SPAG16: variants seen among roughly 807,000 people sequenced by gnomAD.
SPAG16 encodes sperm-associated antigen 16 protein.
In SPAG16, 86 loss-of-function variants were observed where a neutral mutation model predicts 80.4. That is an observed-to-expected ratio of 1.07 (90% CI 0.90 to 1.28). The LOEUF (loss-of-function observed/expected upper bound fraction) is 1.28. Among genes scored for constraint, SPAG16 ranks in the 50% most tolerant of loss-of-function variants. The pLI is 0.00. For synonymous variants in SPAG16, 294 were observed against 265.9 expected, an observed-to-expected ratio of 1.11 and a Z score of -1.03; for missense variants, 870 against 765.3, an observed-to-expected ratio of 1.14 and a Z score of -1.61.
At chr2:214,347,379 A>G (rs1698124899) in intron 15 of SPAG16, among the ~76,000 whole-genome samples, 1 of 152,038 alleles carries the variant, frequency 6.6e-6, no homozygotes, top group South Asian at 2.1e-4. Flanking sequence ...TGGAAAAAAC[A>G]TAAAGGCTCA....
chr2:214,155,528 G>C (rs1240900913), intron 15 of SPAG16, among the ~76,000 whole-genome samples: 2 of 151,914 alleles, frequency 1.3e-5, no homozygotes, highest in Admixed American at 6.6e-5. Context: ...TTTAAAGACG[G>C]GGTCCTATGA....
At chr2:213,934,175 G>A (rs1023515722) in intron 12 of SPAG16, among the ~76,000 whole-genome samples, 3 of 152,154 alleles carry the variant, frequency 2.0e-5, no homozygotes, top group South Asian at 2.1e-4. Context: ...TCAGTACCAC[G>A]GCAAAGTTCC....
intron 15 of SPAG16, among the ~76,000 whole-genome samples, chr2:214,250,751 T>TAGAGAGAGAGAGAGAG (rs751433547): frequency 6.1e-5 from 6 of 98,842 alleles, no homozygotes; most frequent in Admixed American, 1.2e-4. Flanking sequence ...TATATATATA[T>TAGAGAGAGAGAGAGAG]ATATATAGAG....
intron 13 of SPAG16, among the ~76,000 whole-genome samples, chr2:214,018,362 G>C (rs1209788749): frequency 6.6e-6 from 1 of 152,098 alleles, no homozygotes; most frequent in Non-Finnish European, 1.5e-5. Context: ...TATGTTGTCT[G>C]TATAATATGG....
rs754633155 is a variant in SPAG16, at chr2:213,973,245, A to G, written c.1401-40706A>G. On this transcript the variant is annotated intron_variant, in intron 12 of 15. Coordinates refer to ENST00000331683, the MANE Select transcript of SPAG16 (RefSeq NM_024532.5). ...TTTTGAGTGTTCTCATTTCCCAAAG[A>G]AATTACCTTCCTGGCTTTTTCTCCC... Among the ~76,000 whole-genome samples, 10 of 152,112 alleles carry G rather than the reference A, an allele frequency of 6.6e-5. 1 individual carries two copies. Among genetic ancestry groups the G allele is most frequent in the Non-Finnish European group, 1.2e-4 (8 of 68,022 alleles).
chr2:213,902,020 C>T (rs1236724133), intron 11 of SPAG16, among the ~76,000 whole-genome samples: 1 of 152,146 alleles, frequency 6.6e-6, no homozygotes, highest in African/African-American at 2.4e-5. Context: ...CTCCTAGAGT[C>T]TCGTGAAAAA....
At chr2:213,752,635 G>T (rs2068127879) in intron 10 of SPAG16, among the ~76,000 whole-genome samples, 1 of 152,102 alleles carries the variant, frequency 6.6e-6, no homozygotes, top group East Asian at 1.9e-4. Flanking sequence ...ACATTCCTCT[G>T]TTGCCTTGGT....
At chr2:214,323,398 A>G (rs964128322) in intron 15 of SPAG16, among the ~76,000 whole-genome samples, 8 of 152,024 alleles carry the variant, frequency 5.3e-5, no homozygotes, top group Non-Finnish European at 1.2e-4. Context: ...ATTTATGTCT[A>G]TATAAAGGAA....
At chr2:214,358,029 G>A (rs543771937) in intron 15 of SPAG16, among the ~76,000 whole-genome samples, 202 of 152,044 alleles carry the variant, frequency 1.3e-3, no homozygotes, top group Non-Finnish European at 2.4e-3. Flanking sequence ...AACCATGCTG[G>A]AACCTGCACA....
intron 10 of SPAG16, among the ~76,000 whole-genome samples, chr2:213,744,459 T>A (rs6726034): frequency 6.6e-6 from 1 of 152,192 alleles, no homozygotes; most frequent in African/African-American, 2.4e-5. Flanking sequence ...AATAAGGAAT[T>A]CTGTCTTTAC....
intron 11 of SPAG16, among the ~76,000 whole-genome samples, chr2:213,900,551 C>T (rs1463443166): frequency 3.9e-5 from 6 of 152,028 alleles, no homozygotes; most frequent in South Asian, 2.1e-4. Flanking sequence ...TTTCTAACTC[C>T]GCTTAAAATT....
At chr2:213,773,356 T>C (rs1012192510) in intron 10 of SPAG16, among the ~76,000 whole-genome samples, 5 of 152,192 alleles carry the variant, frequency 3.3e-5, no homozygotes, top group African/African-American at 4.8e-5. Context: ...TTAAAACAAA[T>C]TGATGCATAA....
intron 10 of SPAG16, among the ~76,000 whole-genome samples, chr2:213,750,595 C>T (rs911025939): frequency 3.3e-5 from 5 of 152,134 alleles, no homozygotes; most frequent in Admixed American, 6.5e-5. Context: ...TTTGTTTAGG[C>T]GTTGGTCATA....
intron 15 of SPAG16, among the ~76,000 whole-genome samples, chr2:214,340,149 T>C (rs1576823167): frequency 6.6e-6 from 1 of 152,320 alleles, no homozygotes; most frequent in South Asian, 2.1e-4. Flanking sequence ...GAGACATGTG[T>C]CCCTCATCTC....
rs1048797709 is a variant in SPAG16, at chr2:213,941,181, T to C, written c.1400+11036T>C. Among the ~76,000 whole-genome samples the C allele has an allele frequency of 2.0e-5, 3 of 152,298 alleles. No individual in the cohort carries two copies. The South Asian group carries it at 6.2e-4, about 32-fold the overall frequency. On this transcript the variant is annotated intron_variant, in intron 12 of 15. Transcript: ENST00000331683. Reference sequence around the variant, plus strand: ...CCTCTGATGTCCTTCCACTGTATGGTTTGGAATTAAATACCTGTCATCAAC... The same window carrying C: ...CCTCTGATGTCCTTCCACTGTATGGCTTGGAATTAAATACCTGTCATCAAC...
chr2:214,364,625 C>T (rs984927116), intron 15 of SPAG16, among the ~76,000 whole-genome samples: 1 of 152,060 alleles, frequency 6.6e-6, no homozygotes, highest in Admixed American at 6.6e-5. Context: ...AAAAGCTTCA[C>T]CGAAGAGACA....
chr2:213,454,043 AT>A (rs1259205175), intron 9 of SPAG16, among the ~76,000 whole-genome samples: 19 of 151,964 alleles, frequency 1.3e-4, no homozygotes, highest in African/African-American at 4.6e-4. Flanking sequence ...ATAACCTCTG[AT>A]TCTTCAGTAT....
intron 6 of SPAG16, among the ~76,000 whole-genome samples, chr2:213,341,273 T>C (rs2064672431): frequency 6.6e-6 from 1 of 152,128 alleles, no homozygotes. Flanking sequence ...GTCACAAAAC[T>C]GGGTATCAAG....
intron 11 of SPAG16, among the ~76,000 whole-genome samples, chr2:213,891,824 C>G (rs1483114094): frequency 6.6e-6 from 1 of 152,102 alleles, no homozygotes; most frequent in African/African-American, 2.4e-5. Context: ...CTGCCTGCCT[C>G]CAGGTGAAGA....
Sources: gnomAD v4.1 joint callset for allele counts (sites outside exome capture counted in the v4.1 genomes callset) on GRCh38, gnomAD v4.1.1 for gene constraint, MANE v1.5 for transcripts, NCBI Gene and HGNC (gene_info 2026-07-23, HGNC 2026-07-21) for gene names.